Variants in PNLIPRP1 observed in about 807,000 individuals in gnomAD.
The protein encoded by PNLIPRP1 is inactive pancreatic lipase-related protein 1.
Under a neutral mutation model 54.6 loss-of-function variants are expected in PNLIPRP1, and 57 were observed. The ratio of observed to expected loss-of-function variants is 1.04; its 90% CI spans 0.84 to 1.30. PNLIPRP1 has a LOEUF of 1.30. Among genes scored for constraint, PNLIPRP1 ranks in the 50% most tolerant of loss-of-function variants. The pLI is 0.00. For missense variants in PNLIPRP1, 567 were observed against 568.5 expected, an observed-to-expected ratio of 1.00 and a Z score of 0.03; for synonymous variants, 232 against 208.8, an observed-to-expected ratio of 1.11 and a Z score of -0.96.
chr10:116,596,250 A>C lies in PNLIPRP1; in HGVS notation c.502A>C (p.Ile168Leu). 1 of 1,613,864 alleles carries C rather than the reference A, an allele frequency of 6.2e-7. No homozygotes were observed. Reference sequence around the variant, plus strand: ...CTACCCCCCTTCCAAAGTTCACCTCATTGGCCACAGCCTGGGAGCCCACGT... The same window carrying C: ...CTACCCCCCTTCCAAAGTTCACCTCCTTGGCCACAGCCTGGGAGCCCACGT... ...YSYPPSKVHL[I>L]GHSLGAHVAG... The change falls in exon 6 of 13, where the codon ATT becomes CTT. Residue 168 changes from isoleucine to leucine, a missense_variant. Transcript: ENST00000358834.
chr10:116,592,066 G>C, intron 3 of PNLIPRP1, 141 bp downstream of exon 3: 1 of 823,594 alleles, frequency 1.2e-6, no homozygotes, highest in Non-Finnish European at 1.9e-6. Flanking sequence ...GACCTAGCTA[G>C]ACCTAGACAG....
At chr10:116,596,170 A>C in intron 5 of PNLIPRP1, 44 bp from the exon 6 acceptor site, 1 of 1,354,164 alleles carries the variant, frequency 7.4e-7, no homozygotes, top group Non-Finnish European at 1.1e-6. Flanking sequence ...TTTTAGAAAA[A>C]CCACAGCAAA....
chr10:116,595,910 A>G, intron 5 of PNLIPRP1: 1 of 258,038 alleles, frequency 3.9e-6, no homozygotes, highest in Non-Finnish European at 7.5e-6. Flanking sequence ...TAGTCTGTTG[A>G]TGTTAGCTGG....
intron 10 of PNLIPRP1, among the ~76,000 whole-genome samples, 186 bp downstream of exon 10, chr10:116,601,387 G>A (rs3781565): frequency 0.19 from 28,626 of 151,964 alleles, 2,794 homozygotes; most frequent in Non-Finnish European, 0.2. Context: ...CATTTCTTCC[G>A]TTCTATTTCT....
In PNLIPRP1 at chr10:116,595,166, C is replaced by T. The variant is rs534381644; in HGVS notation, c.465+302C>T. The T allele has an allele frequency of 8.7e-5, 29 of 335,258 alleles. No homozygotes were observed. In the South Asian group the frequency reaches 9.8e-4, roughly 11 times the overall value. 20.8% of individuals were successfully genotyped at this position (335,258 alleles called of 1,614,324 possible). A position where few individuals can be genotyped will look rare whatever the true frequency, so the allele number is the denominator to read the frequency against. ...TAAAGCAAATGAATAGAAGACCTGC[C>T]TTTTGATCCAGACCATCTAGCTTCA... On this transcript the variant is annotated intron_variant, in intron 5 of 12. Coordinates refer to ENST00000358834, the MANE Select transcript of PNLIPRP1 (RefSeq NM_006229.4).
chr10:116,608,951 T>G, intron 12 of PNLIPRP1, 102 bp from the exon 13 acceptor site: 1 of 936,860 alleles, frequency 1.1e-6, no homozygotes, highest in Middle Eastern at 2.1e-4. Flanking sequence ...GCTTAACCCC[T>G]TAAGAAAAAC....
chr10:116,596,857 T>C (rs1350195658), intron 6 of PNLIPRP1, among the ~76,000 whole-genome samples: 2 of 152,154 alleles, frequency 1.3e-5, no homozygotes, highest in Non-Finnish European at 2.9e-5. Context: ...CATAATATGA[T>C]GGTGATAATA....
At chr10:116,604,504 G>A (rs1847902658) in intron 11 of PNLIPRP1, among the ~76,000 whole-genome samples, 1 of 152,074 alleles carries the variant, frequency 6.6e-6, no homozygotes, top group Non-Finnish European at 1.5e-5. Flanking sequence ...GTTTGTGTGA[G>A]TACATGCTAT....
chr10:116,601,329 C>A, intron 10 of PNLIPRP1, 128 bp downstream of exon 10: 2 of 843,184 alleles, frequency 2.4e-6, no homozygotes, highest in Non-Finnish European at 3.7e-6. Flanking sequence ...GACACATTTA[C>A]CGAAACTATT....
Position 116,600,027 on chromosome 10 carries a change from C to A in PNLIPRP1, c.815-20C>A, listed in dbSNP as rs376188042. ...CAGGCCCCCAACCACCTGTTCAGGT[C>A]TCCTTATTTGTTTTCCCAGGAACCC... On this transcript the variant is annotated intron_variant, in intron 8 of 12. Transcript: ENST00000358834. The A allele has an allele frequency of 9.1e-6, 14 of 1,539,830 alleles. No individual in the cohort carries two copies. The highest frequency in any genetic ancestry group is 1.2e-5 in the Non-Finnish European group (13 of 1,112,618).
At chr10:116,608,981 C>A (rs5003367) in intron 12 of PNLIPRP1, 72 bp from the exon 13 acceptor site, 221,160 of 1,021,462 alleles carry the variant, frequency 0.22, 28,173 homozygotes, top group East Asian at 0.53. Flanking sequence ...CCAAACCAAA[C>A]CAAAACAAAA....
At chr10:116,603,074 CAT>C (rs2133239210) in intron 10 of PNLIPRP1, among the ~76,000 whole-genome samples, 1 of 152,244 alleles carries the variant, frequency 6.6e-6, no homozygotes, top group Admixed American at 6.5e-5. Context: ...CACGCACATG[CAT>C]ATGTTTGTGT....
chr10:116,596,303 A>G lies in PNLIPRP1; in HGVS notation c.555A>G (p.Pro185=), dbSNP rs782448571. 7 of 1,611,500 alleles carry G rather than the reference A, an allele frequency of 4.3e-6. No individual in the cohort carries two copies. The highest frequency in any genetic ancestry group is 5.9e-6 in the Non-Finnish European group (7 of 1,177,772). ...CTGGAGAGGCAGGAAGCAAGACTCC[A>G]GGCCTGAGCAGGATTACAGGTAAGG... ...HVAGEAGSKT[P]GLSRITGLDP... is the part of the protein sequence containing the mutation. The change falls in exon 6 of 13, where the codon CCA becomes CCG. Residue 185 remains proline (P), a synonymous_variant. Coordinates refer to ENST00000358834, the MANE Select transcript of PNLIPRP1 (RefSeq NM_006229.4).
At chr10:116,606,925 C>G (rs546938886) in intron 12 of PNLIPRP1, among the ~76,000 whole-genome samples, 75 of 152,212 alleles carry the variant, frequency 4.9e-4, no homozygotes, top group Non-Finnish European at 8.7e-4. Flanking sequence ...AAAGTCAAAA[C>G]AGCTTCAAAT....
Position 116,601,109 on chromosome 10 carries a change from A to G in PNLIPRP1, c.971A>G (p.Gln324Arg). The change falls in exon 10 of 13, where the codon CAG becomes CGG. Residue 324 changes from glutamine (Q) to arginine (R), a missense_variant. Transcript: ENST00000358834. Reference sequence around the variant, plus strand: ...CCGTGTCCAGATCAAGGATGCCCACAGATGGGTCACTATGCTGATAAATTT... The same window carrying G: ...CCGTGTCCAGATCAAGGATGCCCACGGATGGGTCACTATGCTGATAAATTT... Reference protein sequence around the residue: ...CFPCPDQGCPQMGHYADKFAG... With the variant: ...CFPCPDQGCPRMGHYADKFAG... The G allele has an allele frequency of 1.9e-6, 3 of 1,614,034 alleles. No homozygotes were observed. Among genetic ancestry groups the G allele is most frequent in the Non-Finnish European group, 2.5e-6 (3 of 1,179,932 alleles).
chr10:116,596,559 C>T (rs1554863994), intron 6 of PNLIPRP1, among the ~76,000 whole-genome samples: 1 of 152,164 alleles, frequency 6.6e-6, no homozygotes. Flanking sequence ...GTCCTAGCCC[C>T]TCCTTTCTAA....
chr10:116,601,298 A>G (rs1323372236), intron 10 of PNLIPRP1, 97 bp downstream of exon 10: 5 of 1,141,842 alleles, frequency 4.4e-6, no homozygotes, highest in Non-Finnish European at 6.3e-6. Flanking sequence ...TTGTGGGTAC[A>G]TTTTAATTAT....
At chr10:116,608,939 G>C in intron 12 of PNLIPRP1, 114 bp from the exon 13 acceptor site, 1 of 816,924 alleles carries the variant, frequency 1.2e-6, no homozygotes, top group Non-Finnish European at 2.1e-6. Context: ...ACTGTGACCT[G>C]GGCTTAACCC....
In PNLIPRP1 at chr10:116,592,405, G is replaced by C; in HGVS notation, c.205-11G>C. The C allele has an allele frequency of 8.2e-6, 13 of 1,591,898 alleles. No homozygotes were observed. Among genetic ancestry groups the C allele is most frequent in the East Asian group, 2.2e-5 (1 of 44,492 alleles). On this transcript the variant is annotated splice_polypyrimidine_tract_variant and intron_variant, in intron 3 of 12. Transcript: ENST00000358834. ...CTGCGAAAACATGAAGCACTTCTGC[G>C]TCTGTCACAGATTCTCCTCCTCTCT...
Sources: allele counts gnomAD v4.1 joint callset (sites outside exome capture counted in the v4.1 genomes callset), GRCh38; gene constraint gnomAD v4.1.1; transcripts MANE v1.5; gene names NCBI Gene and HGNC (gene_info 2026-07-23, HGNC 2026-07-21).